FHOD3: variants seen among roughly 807,000 people sequenced by gnomAD.
FHOD3 encodes formin homology 2 domain containing 3.
A neutral mutation model predicts 173.0 loss-of-function variants in FHOD3; 90 were observed. That is an observed-to-expected ratio of 0.52 (90% CI 0.44 to 0.62). FHOD3 has a LOEUF of 0.62. Among genes scored for constraint, FHOD3 ranks in the 20% least tolerant of loss-of-function variants. The probability of loss-of-function intolerance (pLI) is 0.00; values close to 1 mark genes in which losing one functional copy is unlikely to be tolerated. For missense variants in FHOD3, 1,945 were observed against 2,034.7 expected, an observed-to-expected ratio of 0.96 and a Z score of 0.85; for synonymous variants, 828 against 823.0, an observed-to-expected ratio of 1.01 and a Z score of -0.10.
chr18:36,458,666 GTTTTTTTTTT>G (rs35141522), intron 3 of FHOD3, among the ~76,000 whole-genome samples: 5 of 104,726 alleles, frequency 4.8e-5, no homozygotes, highest in African/African-American at 7.0e-5. Context: ...TTTTTGTTAG[GTTTTTTTTTT>G]TTTTTTTTTT....
At chr18:36,617,560 A>G (rs2148689208) in intron 9 of FHOD3, among the ~76,000 whole-genome samples, 1 of 148,670 alleles carries the variant, frequency 6.7e-6, no homozygotes, top group South Asian at 2.1e-4. Flanking sequence ...AAACAATGCT[A>G]CTACGAGAGT....
At chr18:36,723,366 G>A (rs565166475) in intron 19 of FHOD3, among the ~76,000 whole-genome samples, 1 of 152,130 alleles carries the variant, frequency 6.6e-6, no homozygotes, top group Admixed American at 6.5e-5. Context: ...TTCATTTTAG[G>A]GTGTGTGTGT....
At chr18:36,575,086 T>G (rs887570121) in intron 5 of FHOD3, among the ~76,000 whole-genome samples, 1 of 152,120 alleles carries the variant, frequency 6.6e-6, no homozygotes. Flanking sequence ...TTTTCCTGCC[T>G]CAGCTTCCTG....
At chr18:36,673,925 A>G (rs2037690455) in intron 14 of FHOD3, among the ~76,000 whole-genome samples, 1 of 152,124 alleles carries the variant, frequency 6.6e-6, no homozygotes, top group Non-Finnish European at 1.5e-5. Flanking sequence ...TTCTGAAACA[A>G]ATTCTTTTAT....
rs141109881 is a variant in FHOD3, at chr18:36,756,533, C to A, written c.4425+1222C>A. Among the ~76,000 whole-genome samples the A allele has an allele frequency of 3.3e-5, 5 of 152,216 alleles. No homozygotes were observed. The East Asian group carries it at 5.8e-4, about 18-fold the overall frequency. On this transcript the variant is annotated intron_variant, in intron 25 of 28. Transcript: ENST00000590592. ...GGAGGAAGAAAACCAATTAGGAAGA[C>A]CTCACTGAAGCCGCCCTATGTGCAC...
At chr18:36,575,349 A>T (rs936292959) in intron 5 of FHOD3, among the ~76,000 whole-genome samples, 2 of 152,120 alleles carry the variant, frequency 1.3e-5, no homozygotes, top group African/African-American at 4.8e-5. Flanking sequence ...GCATACTTAG[A>T]ATTTGTGTTT....
At chr18:36,757,367 C>T (rs2042674358) in intron 25 of FHOD3, among the ~76,000 whole-genome samples, 1 of 152,044 alleles carries the variant, frequency 6.6e-6, no homozygotes, top group South Asian at 2.1e-4. Context: ...TGGGTTTTTC[C>T]AACTCAATTA....
chr18:36,701,553 C>T (rs1279797538), intron 17 of FHOD3, among the ~76,000 whole-genome samples: 2 of 152,136 alleles, frequency 1.3e-5, no homozygotes, highest in African/African-American at 2.4e-5. Context: ...TCCTGTCTAA[C>T]ATTCATATTA....
At chr18:36,623,878 G>A (rs183940370) in intron 9 of FHOD3, among the ~76,000 whole-genome samples, 4 of 152,302 alleles carry the variant, frequency 2.6e-5, no homozygotes, top group Non-Finnish European at 5.9e-5. Flanking sequence ...TGAGATGACA[G>A]TGGCTAACCT....
At position 36,645,652 on chromosome 18, in the gene FHOD3, C is replaced by T. The variant is rs1017638939; in HGVS notation, c.1197-3664C>T. Among the ~76,000 whole-genome samples the T allele has an allele frequency of 1.4e-4, 22 of 152,254 alleles. 1 individual carries two copies. Among genetic ancestry groups the T allele is most frequent in the African/African-American group, 5.1e-4 (21 of 41,532 alleles). ...AAGCACATTATAGAAAGGGGAATTA[C>T]AGATCAATCTCTTTCCAAAATAGGT... On this transcript the variant is annotated intron_variant, in intron 10 of 28. Coordinates refer to ENST00000590592, the MANE Select transcript of FHOD3 (RefSeq NM_001281740.3).
At chr18:36,666,554 T>G (rs2037195477) in intron 14 of FHOD3, among the ~76,000 whole-genome samples, 1 of 152,222 alleles carries the variant, frequency 6.6e-6, no homozygotes, top group African/African-American at 2.4e-5. Context: ...AATGCCATTT[T>G]ATTATTATTT....
chr18:36,591,840 T>C (rs1421334605), intron 6 of FHOD3, among the ~76,000 whole-genome samples: 1 of 152,180 alleles, frequency 6.6e-6, no homozygotes, highest in African/African-American at 2.4e-5. Flanking sequence ...GGAGGATGAC[T>C]TCAGCCCAGG....
At position 36,709,086 on chromosome 18, in the gene FHOD3, C is replaced by T; in HGVS notation, c.2237-9C>T. On this transcript the variant is annotated splice_polypyrimidine_tract_variant and intron_variant, in intron 17 of 28. Transcript: ENST00000590592. The stretch of plus-strand genomic sequence containing the variant: ...TCGTCAATATAATCTCCATTGTTGT[C>T]TCCACCAGCAAGTGCCGGGGATCCT... 6.2e-7 allele frequency: 1 copy of T among 1,610,948 alleles called. No homozygotes were observed. Among genetic ancestry groups the T allele is most frequent in the Non-Finnish European group, 8.5e-7 (1 of 1,177,514 alleles).
At chr18:36,558,406 C>T (rs2057971163) in intron 5 of FHOD3, among the ~76,000 whole-genome samples, 3 of 152,134 alleles carry the variant, frequency 2.0e-5, no homozygotes, top group Admixed American at 1.3e-4. Context: ...TTTAGTCTAG[C>T]TTTTTATATG....
At chr18:36,445,028 A>G (rs1371712096) in intron 3 of FHOD3, among the ~76,000 whole-genome samples, 1 of 152,244 alleles carries the variant, frequency 6.6e-6, no homozygotes, top group African/African-American at 2.4e-5. Context: ...TCCTTCCAAA[A>G]GATTGTAGTA....
intron 3 of FHOD3, among the ~76,000 whole-genome samples, chr18:36,463,075 A>G (rs1732270185): frequency 1.3e-5 from 2 of 152,068 alleles, no homozygotes; most frequent in South Asian, 4.1e-4. Context: ...ACCCATTGCA[A>G]CTCTGATTTC....
chr18:36,416,779 C>T (rs900571238), intron 3 of FHOD3, among the ~76,000 whole-genome samples: 4 of 152,090 alleles, frequency 2.6e-5, no homozygotes, highest in Non-Finnish European at 4.4e-5. Context: ...GATACTTTGT[C>T]GCTTAAAACC....
rs138107717 is a variant in FHOD3, at chr18:36,603,395, C to T, written c.813+627C>T. Among the ~76,000 whole-genome samples, 33 of 151,960 alleles carry T rather than the reference C, an allele frequency of 2.2e-4. No individual in the cohort carries two copies. In the East Asian group the frequency reaches 5.6e-3, roughly 26 times the overall value. On this transcript the variant is annotated intron_variant, in intron 8 of 28. Transcript: ENST00000590592. ...GCTTGTGAAGGCCTGTGGGTGCCTG[C>T]GTGTGTTCATGCTTTGGTCTTTTCT...
chr18:36,646,069 C>A (rs2035660451), intron 10 of FHOD3, among the ~76,000 whole-genome samples: 1 of 151,790 alleles, frequency 6.6e-6, no homozygotes, highest in Non-Finnish European at 1.5e-5. Flanking sequence ...AGCAAGTGGA[C>A]TAGGGCAAGG....
Sources: gnomAD v4.1 joint callset for allele counts (sites outside exome capture counted in the v4.1 genomes callset) on GRCh38, gnomAD v4.1.1 for gene constraint, MANE v1.5 for transcripts, NCBI Gene and HGNC (gene_info 2026-07-23, HGNC 2026-07-21) for gene names.